The following ZFHX3 variants were observed in gnomAD, a reference collection of about 807,000 sequenced individuals.
ZFHX3 encodes the protein zinc finger homeobox protein 3.
In ZFHX3, 42 loss-of-function variants were observed where a neutral mutation model predicts 279.1. That is an observed-to-expected ratio of 0.15 (90% confidence interval 0.12 to 0.19). The LOEUF is 0.19. ZFHX3 is among the 10% of genes least tolerant of loss of function. ZFHX3 has a pLI of 1.00. For synonymous variants in ZFHX3, 2,293 were observed against 1,957.8 expected, an observed-to-expected ratio of 1.17 and a Z score of -4.52; for missense variants, 4,981 against 4,754.0, an observed-to-expected ratio of 1.05 and a Z score of -1.40.
intron 2 of ZFHX3, among the ~76,000 whole-genome samples, chr16:73,547,841 A>C (rs1449287724): frequency 6.6e-6 from 1 of 152,224 alleles, no homozygotes; most frequent in Admixed American, 6.5e-5. Context: ...CTATTTCAAA[A>C]GTGCAGGGAA....
At chr16:73,458,343 T>TCCCTCCCTTCCTCCCTCCCTTCCG in intron 2 of ZFHX3, among the ~76,000 whole-genome samples, 1 of 120,542 alleles carries the variant, frequency 8.3e-6, no homozygotes, top group African/African-American at 3.1e-5. Context: ...CCTCCCTTCC[T>TCCCTCCCTTCCTCCCTCCCTTCCG]CCCTCCCTTC....
At chr16:73,830,936 C>T (rs1188757373) in intron 1 of ZFHX3, among the ~76,000 whole-genome samples, 1 of 152,178 alleles carries the variant, frequency 6.6e-6, no homozygotes, top group African/African-American at 2.4e-5. Flanking sequence ...CCCAAGTCCA[C>T]CACATCAATT....
intron 5 of ZFHX3, among the ~76,000 whole-genome samples, chr16:73,217,291 G>A (rs936447546): frequency 6.6e-6 from 1 of 152,082 alleles, no homozygotes; most frequent in Non-Finnish European, 1.5e-5. Context: ...TGCAGCCTTC[G>A]TATGCCTCAG....
intron 6 of ZFHX3, among the ~76,000 whole-genome samples, chr16:73,135,664 G>A (rs1966776001): frequency 1.3e-5 from 2 of 152,072 alleles, no homozygotes; most frequent in Non-Finnish European, 2.9e-5. Context: ...CAAATTGATT[G>A]CCAACAATCA....
intron 5 of ZFHX3, among the ~76,000 whole-genome samples, chr16:73,198,963 A>G (rs1416769280): frequency 2.0e-5 from 3 of 152,272 alleles, no homozygotes; most frequent in Admixed American, 1.3e-4. Context: ...AATGAAAAAG[A>G]AAAAGAAATA....
chr16:73,060,684 CACTTTAAG>C (rs1400944452), upstream of ZFHX3: 1 of 152,114 alleles, frequency 6.6e-6, no homozygotes, highest in Admixed American at 6.5e-5. Context: ...ATGCAATCAG[CACTTTAAG>C]TAATCTGCAA....
Position 73,686,031 on chromosome 16 carries a change from C to T in ZFHX3, c.-1607-5791G>A, listed in dbSNP as rs187091386. Among the ~76,000 whole-genome samples, 126 of 152,214 alleles carry T rather than the reference C, an allele frequency of 8.3e-4. 2 individuals carry two copies. Among genetic ancestry groups the T allele is most frequent in the Middle Eastern group, 3.4e-3 (1 of 294 alleles). On this transcript the variant is annotated intron_variant, in intron 1 of 17. Transcript: ENST00000641206. ...CAGTTGTCTTTATGTTGAACTTCTC[C>T]GAATCTTCAACATGCTTATGTGAAT...
chr16:73,076,446 C>T (rs957747737), intron 8 of ZFHX3, among the ~76,000 whole-genome samples: 3 of 152,136 alleles, frequency 2.0e-5, no homozygotes, highest in African/African-American at 4.8e-5. Flanking sequence ...TGCTGAAATA[C>T]GAGGAATGCA....
At chr16:73,361,180 G>A (rs1415308304) in intron 3 of ZFHX3, among the ~76,000 whole-genome samples, 1 of 152,202 alleles carries the variant, frequency 6.6e-6, no homozygotes, top group East Asian at 1.9e-4. Context: ...CACGTTGGTG[G>A]CCTCCAGTGA....
chr16:72,789,834 G>T (rs2035619944), intron 9 of ZFHX3: 1 of 152,244 alleles, frequency 6.6e-6, no homozygotes, highest in Admixed American at 6.5e-5. Context: ...TGATACACAG[G>T]AGGGCCAGTG....
Position 73,509,581 on chromosome 16 carries a change from G to C in ZFHX3, c.-1546-53323C>G, listed in dbSNP as rs183433217. ...ACTCTGTCACCGAGGCTGGAGTGCAGTGGCACAATCTTGGCTCACTGCAAC... is the reference window on the plus strand; with the variant it reads ...ACTCTGTCACCGAGGCTGGAGTGCACTGGCACAATCTTGGCTCACTGCAAC... On this transcript the variant is annotated intron_variant, in intron 2 of 17. Transcript: ENST00000641206. 4.2e-5 allele frequency among the ~76,000 whole-genome samples: 6 copies of C among 144,440 alleles called. No individual in the cohort carries two copies. The East Asian group carries it at 8.2e-4, about 20-fold the overall frequency. 94.8% of individuals were successfully genotyped at this position (144,440 alleles called of 152,430 possible).
chr16:73,815,205 T>G (rs1168839873), intron 1 of ZFHX3, among the ~76,000 whole-genome samples: 2 of 152,242 alleles, frequency 1.3e-5, no homozygotes, highest in Non-Finnish European at 2.9e-5. Flanking sequence ...TCATCCAGTT[T>G]GACTTATTTC....
chr16:73,340,608 A>C (rs1022447246), intron 3 of ZFHX3, among the ~76,000 whole-genome samples: 1 of 152,196 alleles, frequency 6.6e-6, no homozygotes, highest in African/African-American at 2.4e-5. Flanking sequence ...ACTCCTGGGC[A>C]CAAGTAACAC....
chr16:73,087,057 T>C (rs1966018522), intron 8 of ZFHX3, among the ~76,000 whole-genome samples: 1 of 152,182 alleles, frequency 6.6e-6, no homozygotes, highest in Non-Finnish European at 1.5e-5. Flanking sequence ...TTCACATGTA[T>C]CAAAATATTA....
At position 73,316,193 on chromosome 16, in the gene ZFHX3, C is replaced by T. The variant is rs143273351; in HGVS notation, c.-1194+2047G>A. Among the ~76,000 whole-genome samples the T allele has an allele frequency of 3.5e-4, 54 of 152,336 alleles. 1 individual carries two copies. The highest frequency in any genetic ancestry group is 4.1e-4 in the African/African-American group (17 of 41,584). On this transcript the variant is annotated intron_variant, in intron 4 of 17. Transcript: ENST00000641206. ...GACAGCAGGAGAAAAATCCCCATTG[C>T]ATATCTCTATCTTGCAGTATAACCC...
intron 4 of ZFHX3, among the ~76,000 whole-genome samples, chr16:72,865,115 A>G (rs2037983167): frequency 6.6e-6 from 1 of 152,218 alleles, no homozygotes; most frequent in Non-Finnish European, 1.5e-5. Flanking sequence ...ACAGAAGATG[A>G]AACATTAACT....
chr16:73,549,658 A>G (rs943495833), intron 2 of ZFHX3, among the ~76,000 whole-genome samples: 8 of 152,158 alleles, frequency 5.3e-5, no homozygotes, highest in African/African-American at 1.9e-4. Flanking sequence ...ATTTAAATGT[A>G]TTTCCTATGC....
intron 2 of ZFHX3, among the ~76,000 whole-genome samples, chr16:73,577,908 C>A (rs2051817398): frequency 1.3e-5 from 2 of 152,176 alleles, no homozygotes; most frequent in Admixed American, 6.5e-5. Context: ...CAAACCCATT[C>A]CAAATTAGGC....
intron 3 of ZFHX3, among the ~76,000 whole-genome samples, chr16:73,326,305 C>T (rs148237704): frequency 5.0e-4 from 76 of 152,264 alleles, no homozygotes; most frequent in African/African-American, 1.7e-3. Context: ...GAACCACATA[C>T]GAAAAGCCTA....
Sources: allele counts gnomAD v4.1 joint callset (sites outside exome capture counted in the v4.1 genomes callset), GRCh38; gene constraint gnomAD v4.1.1; transcripts MANE v1.5; gene names NCBI Gene and HGNC (gene_info 2026-07-23, HGNC 2026-07-21).